The following SAMD4A variants were observed in gnomAD, a reference collection of about 807,000 sequenced individuals.
SAMD4A encodes protein Smaug homolog 1.
Under a neutral mutation model 81.3 loss-of-function variants are expected in SAMD4A, and 33 were observed. The ratio of observed to expected loss-of-function variants is 0.41; its 90% CI spans 0.31 to 0.54. The LOEUF is 0.54. SAMD4A is among the 20% of genes least tolerant of loss of function. The pLI is 0.37. For synonymous variants in SAMD4A, 389 were observed against 382.1 expected (o/e 1.02, Z -0.21); for missense variants, 854 against 951.1 (o/e 0.90, Z 1.34).
At chr14:54,765,370 C>T (rs557014177) in intron 8 of SAMD4A, among the ~76,000 whole-genome samples, 1 of 151,996 alleles carries the variant, frequency 6.6e-6, no homozygotes, top group Non-Finnish European at 1.5e-5. Flanking sequence ...CACCTGTAAT[C>T]CCCACACTTT....
At position 54,687,696 on chromosome 14, in the gene SAMD4A, A is replaced by G. The variant is rs547243195; in HGVS notation, c.197-14366A>G. The stretch of plus-strand genomic sequence containing the variant: ...GCACTGTTCACGGTGGCACCAGGGC[A>G]TTACTGCATGATTTGGGGCAAGTGT... On this transcript the variant is annotated intron_variant, in intron 2 of 12. Coordinates refer to ENST00000554335, the MANE Select transcript of SAMD4A (RefSeq NM_015589.6). 9.3e-4 allele frequency among the ~76,000 whole-genome samples: 142 copies of G among 152,280 alleles called. 1 individual carries two copies. Among genetic ancestry groups the G allele is most frequent in the African/African-American group, 3.4e-3 (141 of 41,562 alleles).
chr14:54,734,617 C>G (rs952318666), intron 3 of SAMD4A, among the ~76,000 whole-genome samples: 1 of 152,180 alleles, frequency 6.6e-6, no homozygotes, highest in African/African-American at 2.4e-5. Flanking sequence ...AAACATTTAG[C>G]TCCAATCTCA....
chr14:54,602,559 A>G (rs776956583), intron 2 of SAMD4A, among the ~76,000 whole-genome samples: 30 of 151,826 alleles, frequency 2.0e-4, no homozygotes, highest in Non-Finnish European at 3.1e-4. Flanking sequence ...ATGGACAGAA[A>G]CCTTCTCAGC....
chr14:54,730,339 A>G lies in SAMD4A; in HGVS notation c.716-6685A>G, dbSNP rs889553474. ...TCATCCCTGTTGTGATGTTCTTTGC[A>G]GCTTTTTCTTCTTCTAGAGTCTCCC... On this transcript the variant is annotated intron_variant, in intron 3 of 12. Transcript: ENST00000554335. Among the ~76,000 whole-genome samples the G allele has an allele frequency of 2.0e-5, 3 of 152,252 alleles. No individual in the cohort carries two copies. In the South Asian group the frequency reaches 6.2e-4, roughly 32 times the overall value.
In SAMD4A at chr14:54,702,668, C is replaced by A. The variant is rs185058653; in HGVS notation, c.715+88C>A. 4.5e-5 allele frequency: 65 copies of A among 1,434,702 alleles called. No individual in the cohort carries two copies. The Admixed American group carries it at 1.1e-3, about 25-fold the overall frequency. 88.9% of individuals were successfully genotyped at this position (1,434,702 alleles called of 1,614,324 possible). On this transcript the variant is annotated intron_variant, in intron 3 of 12. Coordinates refer to ENST00000554335, the MANE Select transcript of SAMD4A (RefSeq NM_015589.6). ...TCCTGCTGACAGTGTCTGCTCCATGCACCCTGTGACCCTGGGAGAGAAGGA... is the reference window on the plus strand; with the variant it reads ...TCCTGCTGACAGTGTCTGCTCCATGAACCCTGTGACCCTGGGAGAGAAGGA...
intron 2 of SAMD4A, among the ~76,000 whole-genome samples, chr14:54,688,867 G>A (rs1200872084): frequency 6.6e-6 from 1 of 150,552 alleles, no homozygotes; most frequent in Non-Finnish European, 1.5e-5. Flanking sequence ...AAATCATCAG[G>A]GGGCTGGTTA....
At chr14:54,628,260 G>C (rs1362535625) in intron 2 of SAMD4A, among the ~76,000 whole-genome samples, 2 of 152,138 alleles carry the variant, frequency 1.3e-5, no homozygotes, top group Non-Finnish European at 2.9e-5. Context: ...AGACTGCTCT[G>C]TGTCCCTTCC....
intron 3 of SAMD4A, among the ~76,000 whole-genome samples, chr14:54,714,117 A>G (rs2037059209): frequency 6.6e-6 from 1 of 152,196 alleles, no homozygotes. Context: ...AGCCTTTCGT[A>G]TAGCATGATA....
chr14:54,612,828 G>C (rs2034393737), intron 2 of SAMD4A, among the ~76,000 whole-genome samples: 1 of 152,070 alleles, frequency 6.6e-6, no homozygotes, highest in African/African-American at 2.4e-5. Context: ...CTCAGAGAAA[G>C]TGAAAGCCGG....
At chr14:54,740,437 A>G (rs1427634915) in intron 4 of SAMD4A, among the ~76,000 whole-genome samples, 1 of 152,380 alleles carries the variant, frequency 6.6e-6, no homozygotes, top group East Asian at 1.9e-4. Flanking sequence ...TCTCAAATCC[A>G]TATGGAATGT....
intron 12 of SAMD4A, 128 bp downstream of exon 12, chr14:54,784,748 G>C: frequency 1.2e-6 from 1 of 846,880 alleles, no homozygotes. Flanking sequence ...GGTAGGCAGG[G>C]GACAGGGAGA....
Position 54,573,907 on chromosome 14 carries a change from A to G in SAMD4A, c.196+5795A>G, listed in dbSNP as rs2033208845. On this transcript the variant is annotated intron_variant, in intron 2 of 12. Coordinates refer to ENST00000554335, the MANE Select transcript of SAMD4A (RefSeq NM_015589.6). ...TATGTAGGAACATGGGATTCCCTGG[A>G]ACCCGGAAGCTCATTCTATTGTTTT... 3.3e-5 allele frequency among the ~76,000 whole-genome samples: 5 copies of G among 152,236 alleles called. No individual in the cohort carries two copies. The South Asian group carries it at 1.0e-3, about 32-fold the overall frequency.
At position 54,642,769 on chromosome 14, in the gene SAMD4A, AGTCAAGAGGAAGCGAGTCTGCT is replaced by A. The variant is rs796087548; in HGVS notation, c.197-59290_197-59269del. 2.5e-4 allele frequency among the ~76,000 whole-genome samples: 38 copies of A among 152,352 alleles called. 1 individual carries two copies. Among genetic ancestry groups the A allele is most frequent in the African/African-American group, 7.5e-4 (31 of 41,574 alleles). On this transcript the variant is annotated intron_variant, in intron 2 of 12. Transcript: ENST00000554335. Reference sequence around the variant, plus strand: ...GTCGGACGAAGAGAAAAGCGTTCTTAGTCAAGAGGAAGCGAGTCTGCTGTAACCCAACCTGCAGACCCTGCAT... The same window carrying A: ...GTCGGACGAAGAGAAAAGCGTTCTTAGTAACCCAACCTGCAGACCCTGCAT...
chr14:54,697,631 G>A (rs529898162), intron 2 of SAMD4A, among the ~76,000 whole-genome samples: 1 of 152,320 alleles, frequency 6.6e-6, no homozygotes, highest in Admixed American at 6.5e-5. Flanking sequence ...AAAGACTGAT[G>A]TATTCAAAAC....
rs180939831 is a variant in SAMD4A, at chr14:54,690,694, A to C, written c.197-11368A>C. ...CAGATCCTAGCACTAGGCCATATAC[A>C]TTGATAGGAACCAAAGACAGATATC... On this transcript the variant is annotated intron_variant, in intron 2 of 12. Coordinates refer to ENST00000554335, the MANE Select transcript of SAMD4A (RefSeq NM_015589.6). Among the ~76,000 whole-genome samples the C allele has an allele frequency of 8.5e-5, 13 of 152,350 alleles. No individual in the cohort carries two copies. The East Asian group carries it at 2.5e-3, about 29-fold the overall frequency.
At chr14:54,638,241 T>C (rs2035083301) in intron 2 of SAMD4A, among the ~76,000 whole-genome samples, 1 of 152,210 alleles carries the variant, frequency 6.6e-6, no homozygotes, top group Non-Finnish European at 1.5e-5. Context: ...CATGGGGGAC[T>C]GCACGGGGGA....
intron 2 of SAMD4A, among the ~76,000 whole-genome samples, chr14:54,664,566 C>T (rs1023358739): frequency 1.3e-5 from 2 of 152,026 alleles, no homozygotes; most frequent in African/African-American, 4.8e-5. Context: ...TGCACTTCCT[C>T]CCTCTCTCCC....
chr14:54,647,901 T>C (rs567058071), intron 2 of SAMD4A, among the ~76,000 whole-genome samples: 2 of 152,272 alleles, frequency 1.3e-5, no homozygotes, highest in East Asian at 1.9e-4. Flanking sequence ...TTGATAAAAG[T>C]GTTGGGTTGT....
intron 3 of SAMD4A, among the ~76,000 whole-genome samples, chr14:54,723,989 A>G (rs1039279520): frequency 1.6e-5 from 1 of 60,798 alleles, no homozygotes; most frequent in Non-Finnish European, 3.9e-5. Context: ...CTCAGCAAAT[A>G]TTGGATGGAT....
Sources: allele counts gnomAD v4.1 joint callset (sites outside exome capture counted in the v4.1 genomes callset), GRCh38; gene constraint gnomAD v4.1.1; transcripts MANE v1.5; gene names NCBI Gene and HGNC (gene_info 2026-07-23, HGNC 2026-07-21).